The following ANK2 variants were observed in gnomAD, a reference collection of about 807,000 sequenced individuals.
ANK2 encodes the protein ankyrin-2.
In ANK2, 83 loss-of-function variants were observed where a neutral mutation model predicts 360.5. The observed-to-expected ratio is 0.23, with a 90% CI of 0.19 to 0.28. The LOEUF (loss-of-function observed/expected upper bound fraction) is 0.28, where lower values mean the gene tolerates loss of function less well. ANK2 is among the 10% of genes least tolerant of loss of function. The pLI is 1.00. For synonymous variants in ANK2, 1,740 were observed against 1,759.5 expected, an observed-to-expected ratio of 0.99 and a Z score of 0.28; for missense variants, 4,201 against 4,795.7, an observed-to-expected ratio of 0.88 and a Z score of 3.66.
chr4:113,147,182 G>C (rs1024586923), intron 1 of ANK2, among the ~76,000 whole-genome samples: 2 of 152,136 alleles, frequency 1.3e-5, no homozygotes, highest in African/African-American at 4.8e-5. Flanking sequence ...GAAAAAAAAA[G>C]GTGGGGAGGG....
chr4:112,734,863 G>A, the ANK2 span, among the ~76,000 whole-genome samples: 1 of 152,056 alleles, frequency 6.6e-6, no homozygotes, highest in South Asian at 2.1e-4. Flanking sequence ...AGTAATCTGG[G>A]CGTTTTGCCC....
chr4:113,140,631 C>G (rs2096602431), intron 1 of ANK2, among the ~76,000 whole-genome samples: 1 of 152,090 alleles, frequency 6.6e-6, no homozygotes, highest in African/African-American at 2.4e-5. Context: ...ACTTTAAAGA[C>G]TCATGGCAAT....
chr4:112,966,261 A>T (rs921624483), intron 2 of ANK2, among the ~76,000 whole-genome samples: 1 of 151,698 alleles, frequency 6.6e-6, no homozygotes, highest in South Asian at 2.1e-4. Flanking sequence ...GTAAAAGATT[A>T]TATCTCATTA....
intron 2 of ANK2, among the ~76,000 whole-genome samples, chr4:113,027,934 A>C (rs966414703): frequency 6.6e-6 from 1 of 152,086 alleles, no homozygotes; most frequent in Non-Finnish European, 1.5e-5. Flanking sequence ...GTTTACGTTA[A>C]AAATAGCAAA....
intron 1 of ANK2, among the ~76,000 whole-genome samples, chr4:113,125,612 G>T (rs2095619202): frequency 6.6e-6 from 1 of 152,094 alleles, no homozygotes; most frequent in South Asian, 2.1e-4. Context: ...AAATGATAAG[G>T]ATCTGAGATC....
intron 37 of ANK2, among the ~76,000 whole-genome samples, chr4:113,352,192 CTG>C (rs1258546632): frequency 6.6e-6 from 1 of 152,178 alleles, no homozygotes; most frequent in Non-Finnish European, 1.5e-5. Flanking sequence ...CTTACATAAA[CTG>C]TGTGTGTGTC....
chr4:113,251,475 CTTTTT>C (rs1167630240), intron 10 of ANK2, among the ~76,000 whole-genome samples: 1 of 88,098 alleles, frequency 1.1e-5, no homozygotes, highest in South Asian at 4.2e-4. Flanking sequence ...AATACAAAAT[CTTTTT>C]TTTTTTTTTT....
chr4:112,875,705 A>G (rs1344019321), intron 1 of ANK2, among the ~76,000 whole-genome samples: 2 of 150,998 alleles, frequency 1.3e-5, no homozygotes, highest in East Asian at 3.9e-4. Context: ...ATTTCTGTGG[A>G]TATTTCTGGA....
the ANK2 span, among the ~76,000 whole-genome samples, chr4:112,771,207 G>C: frequency 6.6e-6 from 1 of 152,116 alleles, no homozygotes; most frequent in Non-Finnish European, 1.5e-5. Flanking sequence ...TCGCCTCCCG[G>C]GTTCAAGCGA....
the ANK2 span, among the ~76,000 whole-genome samples, chr4:112,805,247 G>A: frequency 6.6e-6 from 1 of 152,310 alleles, no homozygotes; most frequent in Non-Finnish European, 1.5e-5. Context: ...GATGTTGAAA[G>A]ACAAGCAGGT....
At chr4:113,253,141 C>G (rs374772623) in intron 10 of ANK2, among the ~76,000 whole-genome samples, 3 of 152,340 alleles carry the variant, frequency 2.0e-5, no homozygotes, top group African/African-American at 7.2e-5. Context: ...TCTCCCGTTA[C>G]TATCATCTGG....
rs748826892 is a variant in ANK2, at chr4:113,363,379, C to A, written c.10798C>A (p.Gln3600Lys). The A allele has an allele frequency of 6.2e-7, 1 of 1,613,412 alleles. No individual in the cohort carries two copies. The highest frequency in any genetic ancestry group is 8.5e-7 in the Non-Finnish European group (1 of 1,179,618). Reference protein sequence around the residue: ...ELDFTEEQIHQIRIENPNSLQ... With the variant: ...ELDFTEEQIHKIRIENPNSLQ... ...GGATTTCACTGAGGAGCAAATTCATCAAATTCGAATTGAAAATCCCAACTC... is the reference window on the plus strand; with the variant it reads ...GGATTTCACTGAGGAGCAAATTCATAAAATTCGAATTGAAAATCCCAACTC... The change falls in exon 40 of 46, where the codon CAA (glutamine) becomes AAA (lysine). Residue 3600 changes from glutamine (Q) to lysine (K), a missense_variant. By Grantham distance (53) the Gln-to-Lys change is moderately conservative. Coordinates refer to ENST00000357077, the MANE Select transcript of ANK2 (RefSeq NM_001148.6).
At chr4:112,957,019 T>TG (rs2095366186) in intron 2 of ANK2, among the ~76,000 whole-genome samples, 1 of 146,592 alleles carries the variant, frequency 6.8e-6, no homozygotes, top group African/African-American at 2.5e-5. Flanking sequence ...TTTTTTTTTT[T>TG]TTTTTTTTTT....
At chr4:113,274,348 T>A (rs2059511236) in intron 14 of ANK2, 104 bp from the exon 15 acceptor site, 1 of 1,281,638 alleles carries the variant, frequency 7.8e-7, no homozygotes, top group Non-Finnish European at 1.1e-6. Flanking sequence ...TTGGGTGGGG[T>A]TCCTAGAGAT....
intron 26 of ANK2, among the ~76,000 whole-genome samples, chr4:113,327,673 G>A (rs865815594): frequency 6.6e-6 from 1 of 152,272 alleles, no homozygotes; most frequent in South Asian, 2.1e-4. Flanking sequence ...TCCTATGTGT[G>A]GACTTAGTCA....
At chr4:112,764,998 G>A in the ANK2 span, among the ~76,000 whole-genome samples, 3 of 152,132 alleles carry the variant, frequency 2.0e-5, no homozygotes, top group African/African-American at 4.8e-5. Context: ...GAGCCACCGT[G>A]CCCGGCAATG....
intron 2 of ANK2, among the ~76,000 whole-genome samples, chr4:112,954,489 A>C (rs999877146): frequency 2.6e-5 from 4 of 152,178 alleles, no homozygotes; most frequent in African/African-American, 9.7e-5. Context: ...TAGTTCGAGT[A>C]TAAGCACACT....
intron 2 of ANK2, among the ~76,000 whole-genome samples, chr4:112,992,792 T>TA (rs2047259446): frequency 1.3e-5 from 2 of 152,306 alleles, no homozygotes; most frequent in East Asian, 3.9e-4. Context: ...CATTGTGCAT[T>TA]AGGGGTTTAA....
intron 23 of ANK2, among the ~76,000 whole-genome samples, chr4:113,305,339 C>CAAAAAAAAA (rs10667489): frequency 1.0e-5 from 1 of 96,958 alleles, no homozygotes; most frequent in African/African-American, 4.2e-5. Context: ...GACTCCGTCT[C>CAAAAAAAAA]AAAAAAAAAA....
Sources: gnomAD v4.1 joint callset for allele counts (sites outside exome capture counted in the v4.1 genomes callset) on GRCh38, gnomAD v4.1.1 for gene constraint, MANE v1.5 for transcripts, NCBI Gene and HGNC (gene_info 2026-07-23, HGNC 2026-07-21) for gene names.